Variants in RP1 observed in about 807,000 individuals in gnomAD.
RP1 encodes the protein oxygen-regulated protein 1.
In RP1, 16 loss-of-function variants were observed where a neutral mutation model predicts 14.8. That is an observed-to-expected ratio of 1.08 (90% CI 0.73 to 1.65). RP1 has a LOEUF of 1.65. RP1 is among the 40% of genes most tolerant of loss of function. The probability of loss-of-function intolerance (pLI) is 0.00; values close to 1 mark genes in which losing one functional copy is unlikely to be tolerated. For synonymous variants in RP1, 876 were observed against 883.6 expected (o/e 0.99, Z 0.15); for missense variants, 2,631 against 2,535.0 (o/e 1.04, Z -0.81).
chr8:54,715,609 C>T (rs1473278354), intron 15 of RP1, among the ~76,000 whole-genome samples: 1 of 152,132 alleles, frequency 6.6e-6, no homozygotes, highest in Non-Finnish European at 1.5e-5. Flanking sequence ...TGCGAAGGCT[C>T]AGGAGAGGCA....
exon 9 of RP1, chr8:54,678,474 T>A: frequency 6.5e-7 from 1 of 1,534,880 alleles, no homozygotes; most frequent in Non-Finnish European, 8.7e-7. Flanking sequence ...ATGGTTGGTT[T>A]CTTGATGATG....
At chr8:54,760,146 G>A (rs1041386578) in intron 22 of RP1, among the ~76,000 whole-genome samples, 5 of 152,128 alleles carry the variant, frequency 3.3e-5, no homozygotes, top group South Asian at 2.1e-4. Context: ...GAACAGAAGC[G>A]GTGAGATCAA....
At chr8:54,565,221 G>T (rs1411194578) in intron 1 of RP1, among the ~76,000 whole-genome samples, 1 of 152,182 alleles carries the variant, frequency 6.6e-6, no homozygotes, top group African/African-American at 2.4e-5. Flanking sequence ...CAGTGTGCAA[G>T]GTCCAGGAAG....
chr8:54,780,497 A>G (rs1563374377), intron 23 of RP1, among the ~76,000 whole-genome samples: 1 of 152,212 alleles, frequency 6.6e-6, no homozygotes, highest in Non-Finnish European at 1.5e-5. Flanking sequence ...TTTAATTCCA[A>G]TTGTTGGCCT....
At chr8:54,695,381 C>T (rs1219703853) in intron 12 of RP1, among the ~76,000 whole-genome samples, 1 of 151,862 alleles carries the variant, frequency 6.6e-6, no homozygotes, top group African/African-American at 2.4e-5. Context: ...GCCATCTCTT[C>T]ATAGAACTTG....
chr8:54,715,493 T>C (rs886140262), intron 15 of RP1, among the ~76,000 whole-genome samples: 1 of 152,230 alleles, frequency 6.6e-6, no homozygotes, highest in Non-Finnish European at 1.5e-5. Flanking sequence ...AGGTTAAAAA[T>C]ACCATTCCTT....
intron 24 of RP1, among the ~76,000 whole-genome samples, chr8:54,832,698 A>G (rs1398123153): frequency 6.6e-6 from 1 of 151,788 alleles, no homozygotes; most frequent in Non-Finnish European, 1.5e-5. Context: ...TGTGGATAAT[A>G]GTGCAGTAAC....
chr8:54,626,338 TA>T lies in RP1; in HGVS notation c.2457del (p.Leu819PhefsTer29). 6.2e-7 allele frequency: 1 copy of T among 1,613,556 alleles called. No homozygotes were observed. Among genetic ancestry groups the T allele is most frequent in the Non-Finnish European group, 8.5e-7 (1 of 1,179,814 alleles). Reference protein sequence around the residue: ...YCKSTFENKSLFHVFNILEQK... With the variant: ...YCKSTFENKSXFHVFNILEQK... ...AAAAGTACTTTTGAAAACAAAAGTTTATTTCATGTATTTAACATCCTTGAGC... is the reference window on the plus strand; with the variant it reads ...AAAAGTACTTTTGAAAACAAAAGTTTTTTCATGTATTTAACATCCTTGAGC... On this transcript the variant is annotated frameshift_variant, in exon 4 of 4. Coordinates refer to ENST00000220676, the MANE Select transcript of RP1 (RefSeq NM_006269.2). LOFTEE classifies it low-confidence loss of function (END_TRUNC).
At chr8:54,695,266 C>A (rs1420262203) in intron 12 of RP1, among the ~76,000 whole-genome samples, 1 of 150,492 alleles carries the variant, frequency 6.6e-6, no homozygotes, top group Non-Finnish European at 1.5e-5. Context: ...TTTTTTTTTT[C>A]TCAGCAGAAA....
At chr8:54,797,557 A>ACC (rs1554534262) in intron 24 of RP1, among the ~76,000 whole-genome samples, 1 of 150,914 alleles carries the variant, frequency 6.6e-6, no homozygotes, top group African/African-American at 2.4e-5. Context: ...ACACACACAC[A>ACC]CCTCAAACAC....
chr8:54,719,885 C>A (rs933522110), intron 15 of RP1, among the ~76,000 whole-genome samples: 2 of 152,142 alleles, frequency 1.3e-5, no homozygotes, highest in Admixed American at 1.3e-4. Context: ...TTAGTTGAAG[C>A]TCTTATGCTA....
At chr8:54,591,643 A>T (rs1805044647) in intron 1 of RP1, among the ~76,000 whole-genome samples, 1 of 152,102 alleles carries the variant, frequency 6.6e-6, no homozygotes, top group Admixed American at 6.5e-5. Flanking sequence ...GGCATAAAAA[A>T]TCACTCCAAA....
chr8:54,621,327 C>G lies in RP1; in HGVS notation c.361C>G (p.Arg121Gly). 2 of 1,612,122 alleles carry G rather than the reference C, an allele frequency of 1.2e-6. No homozygotes were observed. Among genetic ancestry groups the G allele is most frequent in the Non-Finnish European group, 1.7e-6 (2 of 1,179,076 alleles). The change falls in exon 2 of 4, where the codon CGT becomes GGT. Residue 121 changes from arginine (R) to glycine (G), a missense_variant. Transcript: ENST00000220676. ...GCAGCCTGTAGACCTGGACAAAGCC[C>G]GTCGGCGCCCGCGGCCCTGGCTCAG... ...KVQPVDLDKA[R>G]RRPRPWLSSR...
At chr8:54,676,568 A>G (rs982251700) in intron 8 of RP1, among the ~76,000 whole-genome samples, 1 of 152,320 alleles carries the variant, frequency 6.6e-6, no homozygotes, top group South Asian at 2.1e-4. Context: ...ACCAACATAC[A>G]TATGTAAACA....
At chr8:54,864,480 T>C (rs1391464) in intron 27 of RP1, among the ~76,000 whole-genome samples, 100,209 of 152,062 alleles carry the variant, frequency 0.66, 34,084 homozygotes, top group African/African-American at 0.84. Context: ...TGCTACTTTT[T>C]ATTTTTTATA....
chr8:54,696,959 C>T lies in RP1; in HGVS notation c.1718-2508C>T, dbSNP rs1373609334. ...GTTTGACATCATTTGCTTGGAAGACCTCATTCATGAAATTGCCTTCCCAGG... is the reference window on the plus strand; with the variant it reads ...GTTTGACATCATTTGCTTGGAAGACTTCATTCATGAAATTGCCTTCCCAGG... On this transcript the variant is annotated intron_variant, in intron 12 of 22. Coordinates refer to the RP1 transcript ENST00000636932. 1.1e-5 allele frequency: 14 copies of T among 1,223,584 alleles called. No homozygotes were observed. In the East Asian group the frequency reaches 1.9e-4, roughly 16 times the overall value. The allele number at this position is 1,223,584 out of a possible 1,614,324, so 75.8% of individuals were successfully genotyped here.
chr8:54,760,275 C>T (rs1309073702), intron 22 of RP1, among the ~76,000 whole-genome samples: 1 of 152,172 alleles, frequency 6.6e-6, no homozygotes, highest in Non-Finnish European at 1.5e-5. Context: ...GATTGATGCC[C>T]TTGTTCATCA....
At chr8:54,733,530 A>G (rs1406160512) in intron 17 of RP1, among the ~76,000 whole-genome samples, 1 of 152,174 alleles carries the variant, frequency 6.6e-6, no homozygotes, top group Non-Finnish European at 1.5e-5. Context: ...ATTATAGCTT[A>G]GCAGGAAGAA....
chr8:54,837,747 T>C, intron 25 of RP1: 2 of 797,038 alleles, frequency 2.5e-6, no homozygotes, highest in Non-Finnish European at 1.7e-6. Flanking sequence ...GGCTGGCACC[T>C]TTTTCTGTAA....
Sources: gnomAD v4.1 joint callset for allele counts (sites outside exome capture counted in the v4.1 genomes callset) on GRCh38, gnomAD v4.1.1 for gene constraint, MANE v1.5 for transcripts, NCBI Gene and HGNC (gene_info 2026-07-23, HGNC 2026-07-21) for gene names.